TMEM132D: variants seen among roughly 807,000 people sequenced by gnomAD.
The protein encoded by TMEM132D is transmembrane protein 132D, also known as mature OL transmembrane protein.
A neutral mutation model predicts 62.3 loss-of-function variants in TMEM132D; 21 were observed. The ratio of observed to expected loss-of-function variants is 0.34; its 90% CI spans 0.24 to 0.49. TMEM132D has a LOEUF of 0.49. Ranked by LOEUF, TMEM132D falls within the 20% of genes least tolerant of loss-of-function variation. The probability of loss-of-function intolerance (pLI) is 0.99; values close to 1 mark genes in which losing one functional copy is unlikely to be tolerated. For synonymous variants in TMEM132D, 621 were observed against 575.6 expected (o/e 1.08, Z -1.13); for missense variants, 1,346 against 1,402.8 (o/e 0.96, Z 0.65).
At chr12:129,310,069 C>A (rs1881936767) in intron 4 of TMEM132D, among the ~76,000 whole-genome samples, 1 of 151,928 alleles carries the variant, frequency 6.6e-6, no homozygotes, top group South Asian at 2.1e-4. Flanking sequence ...GGAGGAAAAT[C>A]TAGATGAGGG....
At chr12:129,352,548 T>A (rs1199742724) in intron 3 of TMEM132D, among the ~76,000 whole-genome samples, 1 of 151,796 alleles carries the variant, frequency 6.6e-6, no homozygotes, top group Admixed American at 6.6e-5. Flanking sequence ...TACAAGGAAC[T>A]TAAACAAATT....
chr12:129,579,761 T>C (rs911338307), intron 2 of TMEM132D, among the ~76,000 whole-genome samples: 6 of 152,214 alleles, frequency 3.9e-5, no homozygotes, highest in African/African-American at 1.4e-4. Flanking sequence ...CCCAGTCCAC[T>C]GACTCAAATA....
intron 2 of TMEM132D, among the ~76,000 whole-genome samples, chr12:129,615,776 A>AAAACC (rs1878897634): frequency 2.1e-5 from 2 of 95,868 alleles, no homozygotes; most frequent in Non-Finnish European, 2.4e-5. Flanking sequence ...TAAAATAATT[A>AAAACC]AAACAAAACA....
At chr12:129,658,917 CCT>C (rs1880165281) in intron 2 of TMEM132D, among the ~76,000 whole-genome samples, 1 of 151,976 alleles carries the variant, frequency 6.6e-6, no homozygotes, top group Non-Finnish European at 1.5e-5. Context: ...CAATGAGACC[CCT>C]GTCTGGGGTC....
chr12:129,319,235 C>A (rs907754263), intron 4 of TMEM132D, among the ~76,000 whole-genome samples: 4 of 152,196 alleles, frequency 2.6e-5, no homozygotes, highest in African/African-American at 9.7e-5. Context: ...TGGTGCCAGG[C>A]AGGAATGGGC....
chr12:129,136,915 C>T (rs546941265), intron 5 of TMEM132D, among the ~76,000 whole-genome samples: 2 of 149,676 alleles, frequency 1.3e-5, no homozygotes, highest in South Asian at 2.1e-4. Flanking sequence ...TCATCATCAC[C>T]ATACCACCAC....
chr12:129,260,320 C>T (rs1880519062), intron 4 of TMEM132D, among the ~76,000 whole-genome samples: 1 of 152,090 alleles, frequency 6.6e-6, no homozygotes, highest in African/African-American at 2.4e-5. Flanking sequence ...GAGGAGCAAC[C>T]ACTTCCTTCG....
intron 2 of TMEM132D, among the ~76,000 whole-genome samples, chr12:129,673,078 T>A (rs1043832273): frequency 2.0e-5 from 3 of 152,206 alleles, no homozygotes; most frequent in Admixed American, 2.0e-4. Flanking sequence ...TTGTTTAGAT[T>A]CCTGTAGCCA....
chr12:129,568,636 G>GT, intron 2 of TMEM132D, among the ~76,000 whole-genome samples: 1 of 152,290 alleles, frequency 6.6e-6, no homozygotes, highest in East Asian at 1.9e-4. Flanking sequence ...GAAACAAAGT[G>GT]TTTAAAGTCC....
chr12:129,325,012 A>G (rs373567419), intron 4 of TMEM132D, among the ~76,000 whole-genome samples: 5 of 152,186 alleles, frequency 3.3e-5, no homozygotes, highest in East Asian at 3.8e-4. Flanking sequence ...CCTGTGAAGT[A>G]GAGGCACCAT....
At chr12:129,576,859 T>C (rs1388378420) in intron 2 of TMEM132D, among the ~76,000 whole-genome samples, 1 of 151,996 alleles carries the variant, frequency 6.6e-6, no homozygotes, top group Non-Finnish European at 1.5e-5. Context: ...GCTCGGAAAA[T>C]CATAAGAAAG....
At chr12:129,636,698 A>ATGTGTG (rs542826978) in intron 2 of TMEM132D, among the ~76,000 whole-genome samples, 2,138 of 107,870 alleles carry the variant, frequency 0.02, 44 homozygotes, top group Non-Finnish European at 0.029. Flanking sequence ...TCATACAGAA[A>ATGTGTG]TGTGTGTGTG....
chr12:129,854,902 G>C (rs1017466123), intron 1 of TMEM132D: 3 of 152,284 alleles, frequency 2.0e-5, no homozygotes, highest in Non-Finnish European at 4.4e-5. Context: ...TCTACCAGAT[G>C]ACTTTTCAGA....
rs1329361136 is a variant in TMEM132D at position 129,221,651 on chromosome 12, G to A, written c.1300-11988C>T. Among the ~76,000 whole-genome samples, 4 of 152,072 alleles carry A rather than the reference G, an allele frequency of 2.6e-5. No homozygotes were observed. In the East Asian group the frequency reaches 5.8e-4, roughly 22 times the overall value. On this transcript the variant is annotated intron_variant, in intron 4 of 8. Coordinates refer to ENST00000422113, the MANE Select transcript of TMEM132D (RefSeq NM_133448.3). ...GTCTCACATCCCTTTCTTCCTCAAT[G>A]TGTCCTCCTAACTGTGGTTGACTTC...
intron 5 of TMEM132D, among the ~76,000 whole-genome samples, chr12:129,154,463 G>A (rs1361070140): frequency 3.9e-5 from 6 of 152,182 alleles, no homozygotes; most frequent in African/African-American, 1.4e-4. Context: ...TTCTAGAACT[G>A]TATAAAAATC....
chr12:129,721,572 C>T (rs148016651), intron 1 of TMEM132D, among the ~76,000 whole-genome samples: 9 of 152,222 alleles, frequency 5.9e-5, no homozygotes, highest in East Asian at 1.9e-4. Context: ...GTGAGCAGCC[C>T]GTCCTCACCA....
chr12:129,586,182 G>A lies in TMEM132D; in HGVS notation c.969-54977C>T, dbSNP rs116601364. Among the ~76,000 whole-genome samples, 222 of 152,188 alleles carry A rather than the reference G, an allele frequency of 1.5e-3. 1 individual carries two copies. Among genetic ancestry groups the A allele is most frequent in the African/African-American group, 4.9e-3 (202 of 41,518 alleles). On this transcript the variant is annotated intron_variant, in intron 2 of 8. Transcript: ENST00000422113. ...CCAGCCTCCTCTGCAGTTAGGTTGGGGACGTCCAGCTGAGTTTTGCCTCCT... is the reference window on the plus strand; with the variant it reads ...CCAGCCTCCTCTGCAGTTAGGTTGGAGACGTCCAGCTGAGTTTTGCCTCCT...
intron 3 of TMEM132D, among the ~76,000 whole-genome samples, chr12:129,499,136 C>A (rs1023779675): frequency 4.6e-5 from 7 of 152,098 alleles, no homozygotes; most frequent in African/African-American, 1.2e-4. Flanking sequence ...GCTCTGTGAA[C>A]CTTATCTTCC....
chr12:129,722,270 G>T lies in TMEM132D; in HGVS notation c.80-21572C>A, dbSNP rs557376681. On this transcript the variant is annotated intron_variant, in intron 1 of 8. Transcript: ENST00000422113. ...ACAATCTGTTGTCAGAACCTATCCG[G>T]GTTGGGCCAAGGGAGCCACTGGCTC... Among the ~76,000 whole-genome samples, 4 of 152,316 alleles carry T rather than the reference G, an allele frequency of 2.6e-5. No individual in the cohort carries two copies. The East Asian group carries it at 7.7e-4, about 29-fold the overall frequency.
Sources: allele counts gnomAD v4.1 joint callset (sites outside exome capture counted in the v4.1 genomes callset), GRCh38; gene constraint gnomAD v4.1.1; transcripts MANE v1.5; gene names NCBI Gene and HGNC (gene_info 2026-07-23, HGNC 2026-07-21).